CNTN4: variants seen among roughly 807,000 people sequenced by gnomAD.
The protein encoded by CNTN4 is contactin 4.
In CNTN4, 77 loss-of-function variants were observed where a neutral mutation model predicts 122.5. That is an observed-to-expected ratio of 0.63 (90% CI 0.52 to 0.76). The LOEUF (loss-of-function observed/expected upper bound fraction) is 0.76. Ranked by LOEUF, CNTN4 falls within the 30% of genes least tolerant of loss-of-function variation. The probability of loss-of-function intolerance (pLI) is 0.00; values close to 1 mark genes in which losing one functional copy is unlikely to be tolerated. For synonymous variants in CNTN4, 512 were observed against 447.0 expected (o/e 1.15, Z -1.83); for missense variants, 1,256 against 1,259.1 (o/e 1.00, Z 0.04).
At chr3:2,600,683 C>A in intron 4 of CNTN4, among the ~76,000 whole-genome samples, 1 of 152,154 alleles carries the variant, frequency 6.6e-6, no homozygotes, top group Non-Finnish European at 1.5e-5. Context: ...GTCTTTATAG[C>A]AGCATGATTT....
intron 2 of CNTN4, among the ~76,000 whole-genome samples, chr3:2,190,476 G>T (rs376039025): frequency 6.6e-6 from 1 of 151,982 alleles, no homozygotes; most frequent in Non-Finnish European, 1.5e-5. Context: ...TGGGCATAAA[G>T]GGTCTTTAGG....
intron 13 of CNTN4, among the ~76,000 whole-genome samples, chr3:2,987,766 T>C (rs1387329533): frequency 6.6e-6 from 1 of 152,204 alleles, no homozygotes; most frequent in Non-Finnish European, 1.5e-5. Context: ...GCCTGAGGTT[T>C]GCCATCCACA....
chr3:2,808,471 A>G (rs2092522852), intron 6 of CNTN4, among the ~76,000 whole-genome samples: 4 of 152,164 alleles, frequency 2.6e-5, no homozygotes, highest in African/African-American at 9.7e-5. Flanking sequence ...GAAGAATCAT[A>G]TTTCTTTCTG....
intron 3 of CNTN4, chr3:2,511,302 G>C (rs371879587): frequency 1.3e-5 from 2 of 152,178 alleles, no homozygotes; most frequent in African/African-American, 4.8e-5. Context: ...GTGTATTTTT[G>C]AAAGGTTGAA....
At chr3:2,797,068 A>G (rs569914746) in intron 6 of CNTN4, among the ~76,000 whole-genome samples, 23 of 152,264 alleles carry the variant, frequency 1.5e-4, no homozygotes, top group Middle Eastern at 3.4e-3. Flanking sequence ...GGGCATGATC[A>G]AAGCTCACTG....
intron 7 of CNTN4, among the ~76,000 whole-genome samples, chr3:2,821,517 G>C (rs1296803121): frequency 1.3e-5 from 2 of 152,166 alleles, no homozygotes; most frequent in Non-Finnish European, 2.9e-5. Flanking sequence ...TTGCCTCCAT[G>C]TCATTGATCA....
At chr3:2,223,405 A>G (rs1258269170) in intron 2 of CNTN4, among the ~76,000 whole-genome samples, 1 of 152,156 alleles carries the variant, frequency 6.6e-6, no homozygotes, top group Admixed American at 6.5e-5. Context: ...CTTCTTGTAT[A>G]TAAGCCCTTA....
chr3:2,913,868 C>T (rs2094327233), intron 12 of CNTN4, among the ~76,000 whole-genome samples: 1 of 152,122 alleles, frequency 6.6e-6, no homozygotes, highest in South Asian at 2.1e-4. Flanking sequence ...TCTACTCATG[C>T]ACACATGGAA....
chr3:2,938,348 T>A (rs2094584120), intron 13 of CNTN4, among the ~76,000 whole-genome samples: 2 of 152,152 alleles, frequency 1.3e-5, no homozygotes, highest in Non-Finnish European at 2.9e-5. Context: ...TTTTTTTTAG[T>A]CTTTACTATG....
At chr3:2,618,309 GTATAA>G (rs1386775208) in intron 4 of CNTN4, among the ~76,000 whole-genome samples, 1 of 152,006 alleles carries the variant, frequency 6.6e-6, no homozygotes, top group Non-Finnish European at 1.5e-5. Context: ...GTGTATGTAT[GTATAA>G]TATGTGTATA....
chr3:2,614,169 C>T (rs1461702361), intron 4 of CNTN4, among the ~76,000 whole-genome samples: 1 of 152,012 alleles, frequency 6.6e-6, no homozygotes, highest in African/African-American at 2.4e-5. Context: ...AAGCTGAAAT[C>T]TAAATGACAA....
rs397988483 is a variant in CNTN4 at position 2,520,259 on chromosome 3, C to CTTTTT, written c.-88-51130_-88-51126dup. On this transcript the variant is annotated intron_variant, in intron 3 of 24. Coordinates refer to ENST00000418658, the MANE Select transcript of CNTN4 (RefSeq NM_175607.3). ...AAAAAGATAGGTTGGTGATTGCTTC[C>CTTTTT]TTTTTTTTTTTTTTTTTTTTTTTTT... Among the ~76,000 whole-genome samples, 63 of 74,464 alleles carry CTTTTT rather than the reference C, an allele frequency of 8.5e-4. 10 individuals carry two copies. Among genetic ancestry groups the CTTTTT allele is most frequent in the African/African-American group, 3.8e-3 (52 of 13,848 alleles). 48.9% of individuals were successfully genotyped at this position (74,464 alleles called of 152,430 possible). A position where few individuals can be genotyped will look rare whatever the true frequency, so the allele number is the denominator to read the frequency against.
At chr3:2,928,490 G>A (rs1577306231) in intron 13 of CNTN4, among the ~76,000 whole-genome samples, 1 of 152,124 alleles carries the variant, frequency 6.6e-6, no homozygotes, top group East Asian at 1.9e-4. Flanking sequence ...GATTGACCTG[G>A]TAGACCAACA....
chr3:2,640,105 A>C (rs572982083), intron 4 of CNTN4, among the ~76,000 whole-genome samples: 1 of 152,354 alleles, frequency 6.6e-6, no homozygotes, highest in African/African-American at 2.4e-5. Context: ...CTAAAGGATT[A>C]GAAATGAGTA....
intron 4 of CNTN4, among the ~76,000 whole-genome samples, chr3:2,671,154 G>A (rs1403489392): frequency 6.6e-6 from 1 of 152,136 alleles, no homozygotes. Flanking sequence ...TGCTAGATTG[G>A]GGAAGTTCTG....
intron 7 of CNTN4, among the ~76,000 whole-genome samples, chr3:2,863,912 A>T (rs887883461): frequency 2.0e-5 from 3 of 152,220 alleles, no homozygotes; most frequent in African/African-American, 7.2e-5. Flanking sequence ...AGAATTAATC[A>T]TCAAAGACCA....
chr3:2,465,754 C>G (rs1453478827), intron 3 of CNTN4, among the ~76,000 whole-genome samples: 2 of 152,056 alleles, frequency 1.3e-5, no homozygotes, highest in Non-Finnish European at 2.9e-5. Context: ...CTTGAAACCT[C>G]TCTGTGTTTT....
At chr3:2,362,956 A>G (rs1405760730) in intron 3 of CNTN4, among the ~76,000 whole-genome samples, 2 of 150,174 alleles carry the variant, frequency 1.3e-5, no homozygotes, top group Admixed American at 6.6e-5. Context: ...AGAACATTAC[A>G]GACTGTTTTT....
intron 3 of CNTN4, among the ~76,000 whole-genome samples, chr3:2,554,199 G>A (rs1281902255): frequency 6.6e-6 from 1 of 152,132 alleles, no homozygotes; most frequent in East Asian, 1.9e-4. Flanking sequence ...TTTCTGGCAT[G>A]TTTAGTGTTT....
Sources: gnomAD v4.1 joint callset for allele counts (sites outside exome capture counted in the v4.1 genomes callset) on GRCh38, gnomAD v4.1.1 for gene constraint, MANE v1.5 for transcripts, NCBI Gene and HGNC (gene_info 2026-07-23, HGNC 2026-07-21) for gene names.